MDGA2: variants seen among roughly 807,000 people sequenced by gnomAD.
The protein encoded by MDGA2 is MAM domain containing glycosylphosphatidylinositol anchor 2, also known as MAM domain-containing glycosylphosphatidylinositol anchor protein 2.
A neutral mutation model predicts 117.8 loss-of-function variants in MDGA2; 40 were observed. The observed-to-expected ratio is 0.34, with a 90% CI of 0.26 to 0.44. The LOEUF (loss-of-function observed/expected upper bound fraction) is 0.44. Ranked by LOEUF, MDGA2 falls within the 20% of genes least tolerant of loss-of-function variation. The pLI, the probability that MDGA2 is intolerant of heterozygous loss-of-function variation, is 1.00. For missense variants in MDGA2, 1,123 were observed against 1,250.6 expected (o/e 0.90, Z 1.54); for synonymous variants, 452 against 439.0 (o/e 1.03, Z -0.37).
chr14:47,317,935 T>C (rs1435889940), intron 1 of MDGA2, among the ~76,000 whole-genome samples: 1 of 152,080 alleles, frequency 6.6e-6, no homozygotes, highest in Non-Finnish European at 1.5e-5. Flanking sequence ...AACACCTCTC[T>C]TCTCTCAAAA....
chr14:47,156,803 G>C (rs927460150), intron 3 of MDGA2, among the ~76,000 whole-genome samples: 2 of 152,106 alleles, frequency 1.3e-5, no homozygotes, highest in African/African-American at 4.8e-5. Context: ...GGTTCCTTAA[G>C]GAAAATAATT....
At chr14:47,241,601 G>A (rs1328651033) in intron 2 of MDGA2, among the ~76,000 whole-genome samples, 1 of 151,888 alleles carries the variant, frequency 6.6e-6, no homozygotes, top group Non-Finnish European at 1.5e-5. Context: ...TAAGTCGCCA[G>A]TGAATTATTT....
chr14:47,407,617 G>A (rs1293805887), intron 1 of MDGA2, among the ~76,000 whole-genome samples: 1 of 152,098 alleles, frequency 6.6e-6, no homozygotes, highest in African/African-American at 2.4e-5. Context: ...AAGGATATGG[G>A]AATGCATTTA....
intron 2 of MDGA2, among the ~76,000 whole-genome samples, chr14:47,235,555 C>A (rs1340940853): frequency 6.6e-6 from 1 of 152,006 alleles, no homozygotes; most frequent in East Asian, 1.9e-4. Context: ...GAGCCTGAAG[C>A]AAGGATTAGA....
Position 46,882,294 on chromosome 14 carries a change from T to A in MDGA2, c.2239-73A>T, listed in dbSNP as rs533073030. Reference sequence around the variant, plus strand: ...AGGTACTAAGAAAATTGAAAACAAATTTTGAAATTTTATTAAATCAAAAAG... The same window carrying A: ...AGGTACTAAGAAAATTGAAAACAAAATTTGAAATTTTATTAAATCAAAAAG... On this transcript the variant is annotated intron_variant, in intron 10 of 16. Coordinates refer to ENST00000399232, the MANE Select transcript of MDGA2 (RefSeq NM_001113498.3). The A allele has an allele frequency of 9.8e-6, 13 of 1,326,276 alleles. No homozygotes were observed. The African/African-American group carries it at 1.8e-4, about 19-fold the overall frequency. 82.2% of individuals were successfully genotyped at this position (1,326,276 alleles called of 1,614,324 possible). A position where few individuals can be genotyped will look rare whatever the true frequency, so the allele number is the denominator to read the frequency against.
Position 46,840,549 on chromosome 14 carries a change from A to G in MDGA2, c.*1382T>C, listed in dbSNP as rs1256513161. 1 of 152,486 alleles carries G rather than the reference A, an allele frequency of 6.6e-6. No individual in the cohort carries two copies. The highest frequency in any genetic ancestry group is 1.5e-5 in the Non-Finnish European group (1 of 68,000). The allele number at this position is 152,486 out of a possible 1,614,324, so 9.4% of individuals were successfully genotyped here. ...AAAAGTGTTTTTATAATCTTGGTAA[A>G]ATAATAAAATAATATTTCACAATTT... On this transcript the variant is annotated 3_prime_UTR_variant, in exon 17 of 17. Transcript: ENST00000399232.
intron 1 of MDGA2, among the ~76,000 whole-genome samples, chr14:47,473,290 G>A (rs539040644): frequency 7.9e-5 from 12 of 152,236 alleles, no homozygotes; most frequent in African/African-American, 2.9e-4. Flanking sequence ...CTCCCTCCAA[G>A]TCACAGAGTA....
rs555240150 is a variant in MDGA2 at position 47,148,722 on chromosome 14, C to T, written c.596-4448G>A. Among the ~76,000 whole-genome samples, 8 of 152,220 alleles carry T rather than the reference C, an allele frequency of 5.3e-5. No individual in the cohort carries two copies. The South Asian group carries it at 1.5e-3, about 28-fold the overall frequency. ...ACCACATACATTTGCTATGGTGTTT[C>T]GGGGTTCTTTCTGGTGATTCAGTTG... is the stretch of plus-strand genomic sequence containing the variant. On this transcript the variant is annotated intron_variant, in intron 3 of 16. Coordinates refer to ENST00000399232, the MANE Select transcript of MDGA2 (RefSeq NM_001113498.3).
intron 6 of MDGA2, among the ~76,000 whole-genome samples, chr14:47,070,171 T>C (rs1890228008): frequency 6.6e-6 from 1 of 152,190 alleles, no homozygotes; most frequent in Non-Finnish European, 1.5e-5. Context: ...ATTCGTCCTT[T>C]ATAACTATTT....
chr14:46,874,449 A>G (rs1489902960), intron 12 of MDGA2, among the ~76,000 whole-genome samples: 1 of 151,872 alleles, frequency 6.6e-6, no homozygotes, highest in African/African-American at 2.4e-5. Flanking sequence ...ATTTTTCTCT[A>G]AAATATCCAG....
At chr14:47,632,223 C>G (rs1475838450) in intron 1 of MDGA2, among the ~76,000 whole-genome samples, 1 of 152,160 alleles carries the variant, frequency 6.6e-6, no homozygotes, top group Non-Finnish European at 1.5e-5. Flanking sequence ...ATTTTATCAT[C>G]CATTTTCCCT....
At chr14:47,424,248 G>T (rs1406814691) in intron 1 of MDGA2, among the ~76,000 whole-genome samples, 1 of 151,948 alleles carries the variant, frequency 6.6e-6, no homozygotes, top group Admixed American at 6.6e-5. Context: ...TGGAGAAACC[G>T]TCGTCTCTAC....
At chr14:47,263,808 AT>A (rs1887878573) in intron 2 of MDGA2, among the ~76,000 whole-genome samples, 1 of 152,126 alleles carries the variant, frequency 6.6e-6, no homozygotes, top group Admixed American at 6.6e-5. Flanking sequence ...TAATTTATTA[AT>A]TTTATCCTAA....
chr14:47,618,971 A>G (rs1197039241), intron 1 of MDGA2, among the ~76,000 whole-genome samples: 1 of 151,958 alleles, frequency 6.6e-6, no homozygotes, highest in African/African-American at 2.4e-5. Flanking sequence ...CAGGGACTCT[A>G]GCTTCCGCAG....
At chr14:47,604,267 TCTCTCCCCTC>T (rs1489758066) in intron 1 of MDGA2, among the ~76,000 whole-genome samples, 1 of 152,032 alleles carries the variant, frequency 6.6e-6, no homozygotes, top group African/African-American at 2.4e-5. Flanking sequence ...TCCATCCCTT[TCTCTCCCCTC>T]CACCACTCTC....
intron 10 of MDGA2, among the ~76,000 whole-genome samples, chr14:46,902,238 G>A (rs1883315188): frequency 6.6e-6 from 1 of 151,906 alleles, no homozygotes; most frequent in Non-Finnish European, 1.5e-5. Flanking sequence ...CATTTGAATT[G>A]TTATTACTAT....
chr14:47,655,950 T>C (rs1897735238), intron 1 of MDGA2, among the ~76,000 whole-genome samples: 1 of 152,178 alleles, frequency 6.6e-6, no homozygotes, highest in South Asian at 2.1e-4. Context: ...ACGTAAAGTC[T>C]ACGGCAAGTC....
intron 2 of MDGA2, among the ~76,000 whole-genome samples, chr14:47,264,877 C>T (rs1438289094): frequency 6.6e-6 from 1 of 151,980 alleles, no homozygotes; most frequent in Non-Finnish European, 1.5e-5. Flanking sequence ...CAGACAGGCC[C>T]CCATGTGTGA....
intron 10 of MDGA2, among the ~76,000 whole-genome samples, chr14:46,910,500 A>T (rs897136558): frequency 6.7e-6 from 1 of 149,012 alleles, no homozygotes; most frequent in Admixed American, 6.6e-5. Context: ...AATAAGAGCC[A>T]TCTATGACAA....
Sources: allele counts gnomAD v4.1 joint callset (sites outside exome capture counted in the v4.1 genomes callset), GRCh38; gene constraint gnomAD v4.1.1; transcripts MANE v1.5; gene names NCBI Gene and HGNC (gene_info 2026-07-23, HGNC 2026-07-21).